Variants in PIK3R1 observed in about 807,000 individuals in gnomAD.
PIK3R1 encodes phosphoinositide-3-kinase regulatory subunit 1.
A neutral mutation model predicts 98.0 loss-of-function variants in PIK3R1; 29 were observed. The ratio of observed to expected loss-of-function variants is 0.30; its 90% CI spans 0.22 to 0.40. The LOEUF is 0.40. PIK3R1 is among the 10% of genes least tolerant of loss of function. The pLI, the probability that PIK3R1 is intolerant of heterozygous loss-of-function variation, is 1.00. For synonymous variants in PIK3R1, 282 were observed against 311.8 expected (o/e 0.90, Z 1.01); for missense variants, 596 against 872.7 (o/e 0.68, Z 3.99).
chr5:68,241,250 A>C (rs1392486807), intron 2 of PIK3R1, among the ~76,000 whole-genome samples: 2 of 152,168 alleles, frequency 1.3e-5, no homozygotes, highest in African/African-American at 4.8e-5. Context: ...AAGGTTTAAA[A>C]AGAAGAGTTG....
intron 2 of PIK3R1, among the ~76,000 whole-genome samples, chr5:68,237,148 T>A (rs1266854612): frequency 1.3e-5 from 2 of 152,230 alleles, no homozygotes; most frequent in African/African-American, 4.8e-5. Flanking sequence ...TATTACTTGC[T>A]TAAAAGCCAA....
At chr5:68,227,976 C>CT (rs1235917732) in intron 2 of PIK3R1, among the ~76,000 whole-genome samples, 1 of 152,214 alleles carries the variant, frequency 6.6e-6, no homozygotes, top group East Asian at 1.9e-4. Context: ...AGAGACAAGC[C>CT]TTATGCTCAG....
intron 2 of PIK3R1, among the ~76,000 whole-genome samples, chr5:68,268,802 G>T (rs981984886): frequency 6.6e-6 from 1 of 152,130 alleles, no homozygotes; most frequent in African/African-American, 2.4e-5. Context: ...GTGCAACTGT[G>T]TGGTGGTTTC....
chr5:68,272,785 T>C (rs930210036), intron 2 of PIK3R1, among the ~76,000 whole-genome samples: 2 of 152,242 alleles, frequency 1.3e-5, no homozygotes, highest in Non-Finnish European at 2.9e-5. Context: ...ATCATTCATA[T>C]TGGCTTCTGG....
At chr5:68,251,377 G>C (rs1405316900) in intron 2 of PIK3R1, among the ~76,000 whole-genome samples, 2 of 151,986 alleles carry the variant, frequency 1.3e-5, no homozygotes, top group African/African-American at 4.8e-5. Flanking sequence ...GTGTTGATGA[G>C]TTGGTTTTTC....
intron 1 of PIK3R1, 103 bp downstream of exon 1, chr5:68,216,052 C>T (rs1743858660): frequency 6.6e-6 from 1 of 152,242 alleles, no homozygotes; most frequent in African/African-American, 2.4e-5. Context: ...GCAGCGGCTT[C>T]TCCTTCTGCA....
chr5:68,294,741 G>A (rs1747599466), intron 12 of PIK3R1, 63 bp downstream of exon 12: 1 of 1,208,920 alleles, frequency 8.3e-7, no homozygotes, highest in Non-Finnish European at 1.1e-6. Context: ...ATTTAAAGAT[G>A]ATCTCGCTTT....
At chr5:68,295,036 C>A in intron 12 of PIK3R1, 112 bp from the exon 13 acceptor site, 2 of 657,648 alleles carry the variant, frequency 3.0e-6, no homozygotes, top group African/African-American at 1.9e-5. Context: ...GAAGAGAAGC[C>A]ACGCTTTACC....
chr5:68,273,600 C>A, intron 3 of PIK3R1, 118 bp downstream of exon 3: 1 of 852,376 alleles, frequency 1.2e-6, no homozygotes, highest in South Asian at 1.4e-5. Flanking sequence ...TGTCCAGATA[C>A]TCTGCTGGAC....
intron 1 of PIK3R1, among the ~76,000 whole-genome samples, chr5:68,221,799 G>A (rs904013386): frequency 6.6e-6 from 1 of 152,164 alleles, no homozygotes; most frequent in Non-Finnish European, 1.5e-5. Flanking sequence ...ATTTTATTTT[G>A]GGGAATAGAA....
In PIK3R1 at chr5:68,222,587, C is replaced by T. The variant is rs536874347; in HGVS notation, c.-386-3703C>T. ...TTTATGGACTTCTTTCGCAGGGACA[C>T]ATTTTAATGAAGTCTCTTTGGAAGA... is the stretch of plus-strand genomic sequence containing the variant. On this transcript the variant is annotated intron_variant, in intron 1 of 15. Transcript: ENST00000521381. Among the ~76,000 whole-genome samples the T allele has an allele frequency of 6.6e-5, 10 of 152,260 alleles. No individual in the cohort carries two copies. In the South Asian group the frequency reaches 1.7e-3, roughly 25 times the overall value.
chr5:68,290,505 A>G (rs763003459), intron 7 of PIK3R1: 6 of 433,668 alleles, frequency 1.4e-5, no homozygotes, highest in Non-Finnish European at 2.0e-5. Context: ...TATTAAATGT[A>G]GCTTCTTAGT....
At chr5:68,243,758 A>G (rs1194497615) in intron 2 of PIK3R1, among the ~76,000 whole-genome samples, 6 of 152,212 alleles carry the variant, frequency 3.9e-5, no homozygotes, top group Non-Finnish European at 7.3e-5. Flanking sequence ...ACGGGCAGAA[A>G]CAAGTTACCT....
rs531873934 is a variant in PIK3R1, at chr5:68,300,672, C to A, written c.*3071C>A. On this transcript the variant is annotated 3_prime_UTR_variant, in exon 16 of 16. Coordinates refer to ENST00000521381, the MANE Select transcript of PIK3R1 (RefSeq NM_181523.3). ...CTGTGTTTCCAGTACACCTTTCAGC[C>A]AAAACAGATCCACAGTAGTTGTTGA... 20 of 233,108 alleles carry A rather than the reference C, an allele frequency of 8.6e-5. No homozygotes were observed. Among genetic ancestry groups the A allele is most frequent in the Admixed American group, 1.7e-4 (3 of 17,778 alleles). The allele number at this position is 233,108 out of a possible 1,614,324, so 14.4% of individuals were successfully genotyped here.
At chr5:68,279,933 G>T (rs1746755948) in intron 5 of PIK3R1, among the ~76,000 whole-genome samples, 200 bp downstream of exon 5, 1 of 152,164 alleles carries the variant, frequency 6.6e-6, no homozygotes, top group Admixed American at 6.5e-5. Flanking sequence ...TGGGAAGCCC[G>T]TCTGCATGTC....
chr5:68,224,478 C>G (rs706712), intron 1 of PIK3R1, among the ~76,000 whole-genome samples: 320 of 152,272 alleles, frequency 2.1e-3, no homozygotes, highest in Non-Finnish European at 3.7e-3. Flanking sequence ...TAATATGTAA[C>G]TCTCCTAAGT....
chr5:68,299,208 A>G lies in PIK3R1; in HGVS notation c.*1607A>G. 4.3e-6 allele frequency: 1 copy of G among 233,626 alleles called. No homozygotes were observed. The allele number at this position is 233,626 out of a possible 1,614,324, so 14.5% of individuals were successfully genotyped here. A position where few individuals can be genotyped will look rare whatever the true frequency, so the allele number is the denominator to read the frequency against. On this transcript the variant is annotated 3_prime_UTR_variant, in exon 16 of 16. Coordinates refer to ENST00000521381, the MANE Select transcript of PIK3R1 (RefSeq NM_181523.3). ...TCACATTAGACTATCCATCATGACC[A>G]GCAAATACTCATTTTAGGAAAAAAA...
intron 2 of PIK3R1, among the ~76,000 whole-genome samples, chr5:68,253,231 T>C (rs904576442): frequency 2.6e-5 from 4 of 152,236 alleles, no homozygotes; most frequent in African/African-American, 9.6e-5. Context: ...TCTTTGTATT[T>C]ATGCTTTGAG....
At chr5:68,283,019 C>T (rs770934578) in intron 7 of PIK3R1, among the ~76,000 whole-genome samples, 3 of 152,210 alleles carry the variant, frequency 2.0e-5, no homozygotes, top group Admixed American at 6.5e-5. Context: ...TCAGGAATGG[C>T]TCCAGTGCAA....
Sources: gnomAD v4.1 joint callset for allele counts (sites outside exome capture counted in the v4.1 genomes callset) on GRCh38, gnomAD v4.1.1 for gene constraint, MANE v1.5 for transcripts, NCBI Gene and HGNC (gene_info 2026-07-23, HGNC 2026-07-21) for gene names.